ABCB1: variants seen among roughly 807,000 people sequenced by gnomAD.
ABCB1 encodes ATP-dependent translocase ABCB1.
A neutral mutation model predicts 142.0 loss-of-function variants in ABCB1; 69 were observed. The ratio of observed to expected loss-of-function variants is 0.49; its 90% confidence interval spans 0.40 to 0.59. The LOEUF (loss-of-function observed/expected upper bound fraction) is 0.59, where lower values mean the gene tolerates loss of function less well. Among genes scored for constraint, ABCB1 ranks in the 20% least tolerant of loss-of-function variants. The pLI is 0.00. For missense variants in ABCB1, 1,326 were observed against 1,554.7 expected, an observed-to-expected ratio of 0.85 and a Z score of 2.47; for synonymous variants, 532 against 539.2, an observed-to-expected ratio of 0.99 and a Z score of 0.18.
chr7:87,650,734 C>A, intron 1 of ABCB1: 1 of 752,294 alleles, frequency 1.3e-6, no homozygotes. Flanking sequence ...TTTTACAACT[C>A]TTCCCCAAAT....
At chr7:87,532,143 C>T (rs1816083957) in intron 20 of ABCB1, among the ~76,000 whole-genome samples, 1 of 152,114 alleles carries the variant, frequency 6.6e-6, no homozygotes, top group Non-Finnish European at 1.5e-5. Context: ...AACCAGATTT[C>T]CAACTCTGAA....
intron 1 of ABCB1, among the ~76,000 whole-genome samples, chr7:87,693,737 G>A (rs989621160): frequency 1.3e-5 from 2 of 152,196 alleles, no homozygotes; most frequent in African/African-American, 4.8e-5. Context: ...CTTACCAAGT[G>A]TAGCTCATAT....
intron 3 of ABCB1, among the ~76,000 whole-genome samples, chr7:87,591,259 G>A (rs1584907155): frequency 6.6e-6 from 1 of 152,180 alleles, no homozygotes; most frequent in African/African-American, 2.4e-5. Context: ...CAGAAGAAAT[G>A]CAATCCTGCT....
chr7:87,571,657 G>A (rs1468761855), intron 4 of ABCB1, among the ~76,000 whole-genome samples: 1 of 152,142 alleles, frequency 6.6e-6, no homozygotes, highest in African/African-American at 2.4e-5. Flanking sequence ...GAAATAAGAA[G>A]TCAGCAAAAA....
intron 1 of ABCB1, among the ~76,000 whole-genome samples, chr7:87,606,697 T>C (rs28381794): frequency 0.071 from 10,838 of 152,168 alleles, 632 homozygotes; most frequent in Non-Finnish European, 0.11. Context: ...TTAATTGGTG[T>C]AATATTAGAG....
chr7:87,599,495 C>A (rs1009392669), intron 2 of ABCB1, among the ~76,000 whole-genome samples: 2 of 152,072 alleles, frequency 1.3e-5, no homozygotes, highest in African/African-American at 4.8e-5. Context: ...GTGTGGGCGA[C>A]CAACACCACT....
chr7:87,610,215 G>A (rs943716442), intron 1 of ABCB1, among the ~76,000 whole-genome samples: 8 of 149,048 alleles, frequency 5.4e-5, no homozygotes, highest in East Asian at 3.9e-4. Flanking sequence ...TCTTATGTAC[G>A]AACTAGCTTT....
rs1183298571 is a variant in ABCB1, at chr7:87,566,087, C to G, written c.685G>C (p.Ala229Pro). ...TCACCTACCTTTGCCCAGACAGCAG[C>G]TGACAGTCCAAGAACAGGACTGATG... ...LAISPVLGLSAAVWAKILSSF... is the reference protein window; with the variant it reads ...LAISPVLGLSPAVWAKILSSF... The change falls in exon 7 of 28, where the codon GCT (alanine) becomes CCT (proline). Residue 229 changes from alanine (A) to proline (P), a missense_variant. Coordinates refer to ENST00000622132, the MANE Select transcript of ABCB1 (RefSeq NM_001348946.2). The G allele has an allele frequency of 1.9e-6, 3 of 1,614,188 alleles. No individual in the cohort carries two copies. The highest frequency in any genetic ancestry group is 2.5e-6 in the Non-Finnish European group (3 of 1,180,016).
chr7:87,648,244 G>T (rs1223302657), intron 1 of ABCB1, among the ~76,000 whole-genome samples: 1 of 151,580 alleles, frequency 6.6e-6, no homozygotes. Flanking sequence ...AGTGAGATTT[G>T]CATGAATATA....
intron 19 of ABCB1, among the ~76,000 whole-genome samples, chr7:87,538,152 C>G (rs1315499672): frequency 1.3e-5 from 2 of 152,196 alleles, no homozygotes; most frequent in South Asian, 4.1e-4. Flanking sequence ...AGACATTCCA[C>G]AAACCATCAG....
chr7:87,637,556 C>G (rs1187329504), intron 1 of ABCB1, among the ~76,000 whole-genome samples: 1 of 152,008 alleles, frequency 6.6e-6, no homozygotes, highest in Non-Finnish European at 1.5e-5. Flanking sequence ...ATGAACATAA[C>G]CTATTTCTTT....
chr7:87,524,599 G>C (rs567095346), intron 21 of ABCB1, among the ~76,000 whole-genome samples: 263 of 152,156 alleles, frequency 1.7e-3, no homozygotes, highest in African/African-American at 5.7e-3. Flanking sequence ...TAGAGGGAAG[G>C]GGGGAGGGAT....
At chr7:87,538,703 C>T (rs1816398386) in intron 19 of ABCB1, among the ~76,000 whole-genome samples, 1 of 152,204 alleles carries the variant, frequency 6.6e-6, no homozygotes, top group African/African-American at 2.4e-5. Flanking sequence ...CCCAGGAAAA[C>T]ATTCACACGT....
Position 87,641,501 on chromosome 7 carries a change from T to G in ABCB1, c.-330-40423A>C, listed in dbSNP as rs4148728. Among the ~76,000 whole-genome samples, 93 of 152,276 alleles carry G rather than the reference T, an allele frequency of 6.1e-4. No individual in the cohort carries two copies. The East Asian group carries it at 0.017, about 28-fold the overall frequency. ...TTCAACTTGGATTTGGTATATTTTC[T>G]AGCACCCTTCCTCCAGCAAGCCAAA... On this transcript the variant is annotated intron_variant, in intron 1 of 28. Coordinates refer to the ABCB1 transcript ENST00000265724.
At chr7:87,624,442 A>G (rs1820335436) in intron 1 of ABCB1, among the ~76,000 whole-genome samples, 1 of 152,152 alleles carries the variant, frequency 6.6e-6, no homozygotes, top group Non-Finnish European at 1.5e-5. Context: ...ATATTTGAGG[A>G]CATTTTATAT....
rs547198225 is a variant in ABCB1, at chr7:87,692,104, A to T, written c.-331+21057T>A. Among the ~76,000 whole-genome samples, 6 of 152,290 alleles carry T rather than the reference A, an allele frequency of 3.9e-5. No individual in the cohort carries two copies. In the South Asian group the frequency reaches 1.2e-3, roughly 32 times the overall value. The stretch of plus-strand genomic sequence containing the variant: ...TTTCCCATGGTCTTTCACAGCCAAA[A>T]TGAAAATCAGGGCACAGAGGCTAGC... On this transcript the variant is annotated intron_variant, in intron 1 of 28. Coordinates refer to the ABCB1 transcript ENST00000265724.
At chr7:87,690,083 A>G (rs1827873344) in intron 1 of ABCB1, among the ~76,000 whole-genome samples, 1 of 151,852 alleles carries the variant, frequency 6.6e-6, no homozygotes, top group Admixed American at 6.6e-5. Context: ...TTCTGCTTCC[A>G]CCTCCTAAAG....
intron 4 of ABCB1, among the ~76,000 whole-genome samples, chr7:87,582,915 G>A (rs1312691251): frequency 6.6e-6 from 1 of 151,998 alleles, no homozygotes; most frequent in East Asian, 1.9e-4. Context: ...CATAGTTGGA[G>A]GATACCTACC....
intron 20 of ABCB1, among the ~76,000 whole-genome samples, chr7:87,534,258 A>G (rs1816183707): frequency 6.6e-6 from 1 of 152,144 alleles, no homozygotes; most frequent in Non-Finnish European, 1.5e-5. Flanking sequence ...GTGATGCGGG[A>G]TATTTGTCCA....
Sources: allele counts gnomAD v4.1 joint callset (sites outside exome capture counted in the v4.1 genomes callset), GRCh38; gene constraint gnomAD v4.1.1; transcripts MANE v1.5; gene names NCBI Gene and HGNC (gene_info 2026-07-23, HGNC 2026-07-21).